PIEZO1: variants seen among roughly 807,000 people sequenced by gnomAD.
PIEZO1 encodes the protein piezo-type mechanosensitive ion channel component 1.
A neutral mutation model predicts 297.2 loss-of-function variants in PIEZO1; 296 were observed. The ratio of observed to expected loss-of-function variants is 1.00; its 90% confidence interval spans 0.91 to 1.10. PIEZO1 has a LOEUF of 1.10. PIEZO1 is among the 50% of genes least tolerant of loss of function. The pLI is 0.00. For missense variants in PIEZO1, 5,018 were observed against 3,455.5 expected (o/e 1.45, Z -11.34); for synonymous variants, 2,427 against 1,507.5 (o/e 1.61, Z -14.13).
chr16:88,726,283 C>A lies in PIEZO1; in HGVS notation c.3968+1G>T. 6.5e-7 allele frequency: 1 copy of A among 1,546,314 alleles called. No homozygotes were observed. Among genetic ancestry groups the A allele is most frequent in the Non-Finnish European group, 8.7e-7 (1 of 1,144,974 alleles). ...TGGGCTGTGTCTGGGCCCAAGCTTG[C>A]CTGGAGGCTAGCAGGGCGGTGGCCT... On this transcript the variant is annotated splice_donor_variant, in intron 27 of 50. Transcript: ENST00000301015. LOFTEE classifies it high-confidence loss of function.
intron 21 of PIEZO1, 52 bp from the exon 22 acceptor site, chr16:88,731,962 G>GCGGGGGGTGGGGATGC (rs1567670088): frequency 2.5e-5 from 3 of 119,938 alleles, no homozygotes; most frequent in African/African-American, 4.0e-5. Flanking sequence ...TGGGGGGAGG[G>GCGGGGGGTGGGGATGC]ACTTTCTTGT....
At chr16:88,733,106 A>T (rs1904977756) in intron 19 of PIEZO1, 172 bp downstream of exon 19, 1 of 637,472 alleles carries the variant, frequency 1.6e-6, no homozygotes, top group Non-Finnish European at 2.7e-6. Context: ...CCTGGTCCAC[A>T]GTTGAGGTCG....
chr16:88,731,648 C>T, intron 22 of PIEZO1, 58 bp downstream of exon 22: 4 of 1,386,674 alleles, frequency 2.9e-6, no homozygotes, highest in Non-Finnish European at 4.0e-6. Flanking sequence ...GGGAAACACC[C>T]CCACGGGCAT....
chr16:88,757,146 G>A, intron 1 of PIEZO1, among the ~76,000 whole-genome samples: 1 of 152,194 alleles, frequency 6.6e-6, no homozygotes, highest in Non-Finnish European at 1.5e-5. Context: ...AAGGGCTGAG[G>A]CAGGCAGATG....
chr16:88,738,433 G>T lies in PIEZO1; in HGVS notation c.642C>A (p.Ala214=). The part of the protein sequence containing the change: ...AVTLLALAGI[A]HPSALSSVYL... Reference sequence around the variant, plus strand: ...AGACACTGGAGAGGGCCGAGGGGTGGGCGATGCCTGCGGGGCAGGGGCACA... The same window carrying T: ...AGACACTGGAGAGGGCCGAGGGGTGTGCGATGCCTGCGGGGCAGGGGCACA... The change falls in exon 7 of 51, where the codon GCC becomes GCA. Residue 214 remains alanine (A), a synonymous_variant. Transcript: ENST00000301015. The T allele has an allele frequency of 6.5e-7, 1 of 1,535,722 alleles. No homozygotes were observed. Among genetic ancestry groups the T allele is most frequent in the East Asian group, 2.4e-5 (1 of 40,922 alleles).
At chr16:88,722,468 G>A (rs537850689) in intron 35 of PIEZO1, 71 bp from the exon 36 acceptor site, 161 of 1,446,316 alleles carry the variant, frequency 1.1e-4, no homozygotes, top group Non-Finnish European at 1.3e-4. Flanking sequence ...GAGGGTCAGG[G>A]TGGAAAGTGC....
intron 1 of PIEZO1, among the ~76,000 whole-genome samples, chr16:88,783,913 C>CA (rs911030172): frequency 2.0e-5 from 3 of 152,224 alleles, no homozygotes; most frequent in African/African-American, 7.2e-5. Context: ...AGGGCTTTTA[C>CA]AATCAAAAGG....
Position 88,716,902 on chromosome 16 carries a change from G to C in PIEZO1, c.6661-4C>G. The C allele has an allele frequency of 6.5e-7, 1 of 1,549,518 alleles. No individual in the cohort carries two copies. Among genetic ancestry groups the C allele is most frequent in the Non-Finnish European group, 8.7e-7 (1 of 1,146,834 alleles). ...GGGCGCTCATGGTGAACAGCGGCTG[G>C]GGCAGGCACGGGGACACGGGGCCAC... On this transcript the variant is annotated splice_region_variant and splice_polypyrimidine_tract_variant and intron_variant, in intron 45 of 50. Transcript: ENST00000301015.
rs749448411 is a variant in PIEZO1, at chr16:88,722,870, T to C, written c.4635A>G (p.Ala1545=). 9.0e-6 allele frequency: 14 copies of C among 1,548,132 alleles called. No homozygotes were observed. Among genetic ancestry groups the C allele is most frequent in the Non-Finnish European group, 1.2e-5 (14 of 1,146,784 alleles). ...GCTCCTGTGTGAGGAGGTAGCGCTC[T>C]GCCCGCAGCACGTCGCTCATGGTGC... is the stretch of plus-strand genomic sequence containing the variant. ...HHGTMSDVLR[A]ERYLLTQELL... The change falls in exon 34 of 51, where the codon GCA becomes GCG. Residue 1545 remains alanine, a synonymous_variant. Coordinates refer to ENST00000301015, the MANE Select transcript of PIEZO1 (RefSeq NM_001142864.4).
At chr16:88,752,755 G>C (rs565141460) in intron 1 of PIEZO1, among the ~76,000 whole-genome samples, 4 of 152,240 alleles carry the variant, frequency 2.6e-5, no homozygotes, top group Non-Finnish European at 1.5e-5. Context: ...CCTTGGCAGG[G>C]GTTCCCCGGC....
intron 2 of PIEZO1, 118 bp downstream of exon 2, chr16:88,749,266 G>T: frequency 1.6e-6 from 1 of 614,272 alleles, no homozygotes. Flanking sequence ...TTTATTTCGG[G>T]ACCCCTCATC....
chr16:88,769,725 T>TG (rs890107983), intron 1 of PIEZO1, among the ~76,000 whole-genome samples: 2 of 127,596 alleles, frequency 1.6e-5, no homozygotes, highest in East Asian at 5.4e-4. Flanking sequence ...GAGCCAGGTC[T>TG]GGGGCTGAGG....
At chr16:88,716,923 G>A (rs1189283539) in intron 45 of PIEZO1, 25 bp from the exon 46 acceptor site, 3 of 1,547,838 alleles carry the variant, frequency 1.9e-6, no homozygotes, top group Non-Finnish European at 8.7e-7. Flanking sequence ...GGGACACGGG[G>A]CCACGAAGAT....
rs906087384 is a variant in PIEZO1 at position 88,763,066 on chromosome 16, G to A, written c.65-13587C>T. Among the ~76,000 whole-genome samples the A allele has an allele frequency of 2.6e-5, 4 of 152,346 alleles. No individual in the cohort carries two copies. In the Middle Eastern group the frequency reaches 0.01, roughly 389 times the overall value. ...AAAACAGTCTGGCCCTGGGGCACTT[G>A]GACAGGGTGCAGGTCCAGGGGTAGA... On this transcript the variant is annotated intron_variant, in intron 1 of 50. Transcript: ENST00000301015.
At chr16:88,749,027 G>C (rs573669842) in intron 2 of PIEZO1, among the ~76,000 whole-genome samples, 2 of 151,106 alleles carry the variant, frequency 1.3e-5, no homozygotes, top group Admixed American at 6.6e-5. Context: ...CACAAGGTCA[G>C]GAGATCGAGA....
At chr16:88,770,909 G>C (rs2142898719) in intron 1 of PIEZO1, among the ~76,000 whole-genome samples, 1 of 152,346 alleles carries the variant, frequency 6.6e-6, no homozygotes, top group Middle Eastern at 3.4e-3. Context: ...CTAACTATAG[G>C]AATCCGGTGG....
In PIEZO1 at chr16:88,728,367, G is replaced by C. The variant is rs77250363; in HGVS notation, c.3197-706C>G. On this transcript the variant is annotated intron_variant, in intron 22 of 50. Transcript: ENST00000301015. ...AACCCACAGCCCCATCTGCCACAGA[G>C]GGAACCTCGCGACACAAAAACAAAG... Among the ~76,000 whole-genome samples the C allele has an allele frequency of 0.01, 1,571 of 152,324 alleles. 65 individuals are homozygous for C. The East Asian group carries it at 0.12, about 11-fold the overall frequency.
rs1047368914 is a variant in PIEZO1 at position 88,733,022 on chromosome 16, G to A, written c.2664+256C>T. On this transcript the variant is annotated intron_variant, in intron 19 of 50. Transcript: ENST00000301015. ...CTGTCTCTCCCTGTCCAGGGGTGGG[G>A]CCCTCCCGTCCTCACTGCCGGAGAC... 7 of 581,082 alleles carry A rather than the reference G, an allele frequency of 1.2e-5. No homozygotes were observed. The African/African-American group carries it at 1.3e-4, about 11-fold the overall frequency. 36.0% of individuals were successfully genotyped at this position (581,082 alleles called of 1,614,324 possible). A position where few individuals can be genotyped will look rare whatever the true frequency, so the allele number is the denominator to read the frequency against.
chr16:88,738,921 C>A (rs113988066), intron 5 of PIEZO1, 185 bp from the exon 6 acceptor site: 17 of 603,712 alleles, frequency 2.8e-5, no homozygotes, highest in African/African-American at 1.7e-4. Context: ...CACCTTCCTA[C>A]TTCCTCACTC....
Sources: gnomAD v4.1 joint callset for allele counts (sites outside exome capture counted in the v4.1 genomes callset) on GRCh38, gnomAD v4.1.1 for gene constraint, MANE v1.5 for transcripts, NCBI Gene and HGNC (gene_info 2026-07-23, HGNC 2026-07-21) for gene names.